Variants in CCDC166 observed in about 807,000 individuals in gnomAD.
The protein encoded by CCDC166 is coiled-coil domain-containing protein 166.
Under a neutral mutation model 14.4 loss-of-function variants are expected in CCDC166, and 17 were observed. That is an observed-to-expected ratio of 1.18 (90% CI 0.81 to 1.77). CCDC166 has a LOEUF of 1.77. Ranked by LOEUF, CCDC166 falls within the 40% of genes most tolerant of loss-of-function variation. The pLI is 0.00. For synonymous variants in CCDC166, 336 were observed against 330.1 expected, an observed-to-expected ratio of 1.02 and a Z score of -0.20; for missense variants, 738 against 665.8, an observed-to-expected ratio of 1.11 and a Z score of -1.19.
rs1378332123 is a variant in CCDC166 at position 143,706,842 on chromosome 8, G to A, written c.1172C>T (p.Ser391Phe). ...CGTGGAGCGGAGAGTGTCCTGTGAG[G>A]ACACCCTCGGTGAGGACCCCGAAGA... ...GISSGSSPRV[S>F]SQDTLRSTKS... Residue 391 changes from serine to phenylalanine, a missense_variant, in exon 2 of 2, where the codon TCC (serine) becomes TTC (phenylalanine). Coordinates refer to ENST00000542437, the MANE Select transcript of CCDC166 (RefSeq NM_001162914.1). The A allele has an allele frequency of 4.5e-6, 7 of 1,550,908 alleles. No homozygotes were observed. The highest frequency in any genetic ancestry group is 6.1e-6 in the Non-Finnish European group (7 of 1,146,952).
rs1817568794 is a variant in CCDC166 at position 143,707,827 on chromosome 8, C to T, written c.283G>A (p.Asp95Asn). ...QRCAKAIVRL[D>N]EQNRVDLAQI... is the part of the protein sequence containing the mutation. Reference sequence around the variant, plus strand: ...GCTAGGTCCACGCGGTTCTGCTCGTCCAGCCGGACGATGGCTTTGGCGCAG... The same window carrying T: ...GCTAGGTCCACGCGGTTCTGCTCGTTCAGCCGGACGATGGCTTTGGCGCAG... The change falls in exon 1 of 2, where the codon GAC becomes AAC. Residue 95 changes from aspartate to asparagine, a missense_variant. By Grantham distance (23) the Asp-to-Asn change is conservative. Coordinates refer to ENST00000542437, the MANE Select transcript of CCDC166 (RefSeq NM_001162914.1). The surrounding 1 kb of genome is among the most constrained non-coding windows in gnomAD (Gnocchi z 8.0). 6.5e-7 allele frequency: 1 copy of T among 1,539,580 alleles called. No individual in the cohort carries two copies. The highest frequency in any genetic ancestry group is 8.7e-7 in the Non-Finnish European group (1 of 1,146,004).
At position 143,707,985 on chromosome 8, in the gene CCDC166, G is replaced by C; in HGVS notation, c.125C>G (p.Ser42Trp). Residue 42 changes from serine to tryptophan, a missense_variant, in exon 1 of 2, where the codon TCG becomes TGG. Transcript: ENST00000542437. This position sits in a 1 kb window ranked among gnomAD's most constrained non-coding sequence, Gnocchi z 8.0. ...CTCCTCGCAGGTGTCCAGCTGCTCC[G>C]AGAGCAGCGCGTGTTCGCGTTGCAG... is the stretch of plus-strand genomic sequence containing the variant. ...QYLQREHALL[S>W]EQLDTCEESV... 3.3e-6 allele frequency: 5 copies of C among 1,531,298 alleles called. No homozygotes were observed. Among genetic ancestry groups the C allele is most frequent in the Non-Finnish European group, 2.6e-6 (3 of 1,142,826 alleles). 94.9% of individuals were successfully genotyped at this position (1,531,298 alleles called of 1,614,324 possible). A position where few individuals can be genotyped will look rare whatever the true frequency, so the allele number is the denominator to read the frequency against.
At position 143,708,022 on chromosome 8, in the gene CCDC166, G is replaced by C; in HGVS notation, c.88C>G (p.Arg30Gly). Reference sequence around the variant, plus strand: ...TGTTCGCGTTGCAGGTACTGCGCGCGCTCCGATAGCGGCTGCTCGGCACCC... The same window carrying C: ...TGTTCGCGTTGCAGGTACTGCGCGCCCTCCGATAGCGGCTGCTCGGCACCC... ...AAGAEQPLSE[R>G]AQYLQREHAL... Residue 30 changes from arginine (R) to glycine (G), a missense_variant, in exon 1 of 2, where the codon CGC (arginine) becomes GGC (glycine). Coordinates refer to ENST00000542437, the MANE Select transcript of CCDC166 (RefSeq NM_001162914.1). 6.6e-7 allele frequency: 1 copy of C among 1,511,240 alleles called. No individual in the cohort carries two copies. The highest frequency in any genetic ancestry group is 1.4e-5 in the African/African-American group (1 of 72,432). The allele number at this position is 1,511,240 out of a possible 1,614,324, so 93.6% of individuals were successfully genotyped here.
Position 143,708,015 on chromosome 8 carries a change from T to C in CCDC166, c.95A>G (p.Gln32Arg), listed in dbSNP as rs1554617010. ...GAEQPLSERA[Q>R]YLQREHALLS... is the part of the protein sequence containing the mutation. The stretch of plus-strand genomic sequence containing the variant: ...CAGCGCGTGTTCGCGTTGCAGGTAC[T>C]GCGCGCGCTCCGATAGCGGCTGCTC... Residue 32 changes from glutamine (Q) to arginine (R), a missense_variant, in exon 1 of 2, where the codon CAG (glutamine) becomes CGG (arginine). Physicochemically the swap from Gln to Arg is conservative, Grantham distance 43. Coordinates refer to ENST00000542437, the MANE Select transcript of CCDC166 (RefSeq NM_001162914.1). 1.3e-6 allele frequency: 2 copies of C among 1,518,920 alleles called. No individual in the cohort carries two copies. The highest frequency in any genetic ancestry group is 2.4e-5 in the South Asian group (2 of 83,604). 94.1% of individuals were successfully genotyped at this position (1,518,920 alleles called of 1,614,324 possible).
Position 143,707,564 on chromosome 8 carries a change from C to A in CCDC166, c.450G>T (p.Leu150=). ...QVQELQPYKV[L]QLEQLARIRA... ...GGATCCGGGCCAGCTGCTCCAGCTGCAGCACCTGCGGCGGGGGCGCCGTCA... is the reference window on the plus strand; with the variant it reads ...GGATCCGGGCCAGCTGCTCCAGCTGAAGCACCTGCGGCGGGGGCGCCGTCA... Residue 150 remains leucine, a synonymous_variant, in exon 2 of 2, where the codon CTG becomes CTT. Transcript: ENST00000542437. This position sits in a 1 kb window ranked among gnomAD's most constrained non-coding sequence, Gnocchi z 8.0. 1 of 1,334,502 alleles carries A rather than the reference C, an allele frequency of 7.5e-7. No homozygotes were observed. Among genetic ancestry groups the A allele is most frequent in the Non-Finnish European group, 9.6e-7 (1 of 1,046,288 alleles). 82.7% of individuals were successfully genotyped at this position (1,334,502 alleles called of 1,614,324 possible).
Position 143,707,935 on chromosome 8 carries a change from T to A in CCDC166, c.175A>T (p.Asn59Tyr). 2.6e-6 allele frequency: 4 copies of A among 1,537,266 alleles called. No individual in the cohort carries two copies. Among genetic ancestry groups the A allele is most frequent in the Non-Finnish European group, 3.5e-6 (4 of 1,146,512 alleles). ...AGCGCCTCGCGGTCCAGGAAGGCGT[T>A]CTCTCGCAGCACCTGGTCAACGCTC... ...EESVDQVLRE[N>Y]AFLDREALRL... Residue 59 changes from asparagine to tyrosine, a missense_variant, in exon 1 of 2, where the codon AAC becomes TAC. Transcript: ENST00000542437. This position sits in a 1 kb window ranked among gnomAD's most constrained non-coding sequence, Gnocchi z 8.0.
In CCDC166 at chr8:143,708,089, G is replaced by A; in HGVS notation, c.21C>T (p.Arg7=). MAPKKK[R]GPSAGSQPGG... ...CTGGCTGGCTCCCTGCGCTCGGCCCGCGCTTTTTCTTGGGCGCCATGGGTT... is the reference window on the plus strand; with the variant it reads ...CTGGCTGGCTCCCTGCGCTCGGCCCACGCTTTTTCTTGGGCGCCATGGGTT... The change falls in exon 1 of 2, where the codon CGC becomes CGT. Residue 7 remains arginine, a synonymous_variant. Transcript: ENST00000542437. 6.9e-7 allele frequency: 1 copy of A among 1,440,022 alleles called. No homozygotes were observed. The highest frequency in any genetic ancestry group is 9.1e-7 in the Non-Finnish European group (1 of 1,099,088). 89.2% of individuals were successfully genotyped at this position (1,440,022 alleles called of 1,614,324 possible). A position where few individuals can be genotyped will look rare whatever the true frequency, so the allele number is the denominator to read the frequency against.
Position 143,707,398 on chromosome 8 carries a change from C to G in CCDC166, c.616G>C (p.Glu206Gln). 7.0e-7 allele frequency: 1 copy of G among 1,430,054 alleles called. No individual in the cohort carries two copies. Among genetic ancestry groups the G allele is most frequent in the South Asian group, 1.4e-5 (1 of 70,156 alleles). The allele number at this position is 1,430,054 out of a possible 1,614,324, so 88.6% of individuals were successfully genotyped here. The part of the protein sequence containing the change: ...QRVQSLARRA[E>Q]REAVRALVAH... Reference sequence around the variant, plus strand: ...ACAAGCGCGCGCACCGCCTCCCGCTCCGCGCGCCGCGCCAGTGACTGCACG... The same window carrying G: ...ACAAGCGCGCGCACCGCCTCCCGCTGCGCGCGCCGCGCCAGTGACTGCACG... The change falls in exon 2 of 2, where the codon GAG (glutamate) becomes CAG (glutamine). Residue 206 changes from glutamate (E) to glutamine (Q), a missense_variant. Transcript: ENST00000542437. The surrounding 1 kb of genome is among the most constrained non-coding windows in gnomAD (Gnocchi z 8.0).
chr8:143,707,763 T>G lies in CCDC166; in HGVS notation c.347A>C (p.Tyr116Ser), dbSNP rs1817566773. Residue 116 changes from tyrosine to serine, a missense_variant, in exon 1 of 2, where the codon TAC (tyrosine) becomes TCC (serine). Physicochemically the swap from Tyr to Ser is moderately radical, Grantham distance 144. Coordinates refer to ENST00000542437, the MANE Select transcript of CCDC166 (RefSeq NM_001162914.1). The surrounding 1 kb of genome is among the most constrained non-coding windows in gnomAD (Gnocchi z 8.0). Reference sequence around the variant, plus strand: ...GCGCACCCCGTCCTCGCGCCCGTGGTAGAGCGAGGCCAGTTCCGCCCGCTG... The same window carrying G: ...GCGCACCCCGTCCTCGCGCCCGTGGGAGAGCGAGGCCAGTTCCGCCCGCTG... Reference protein sequence around the residue: ...HWQRAELASLYHGREDGVRAQ... With the variant: ...HWQRAELASLSHGREDGVRAQ... 4 of 1,538,368 alleles carry G rather than the reference T, an allele frequency of 2.6e-6. No homozygotes were observed. The highest frequency in any genetic ancestry group is 2.6e-6 in the Non-Finnish European group (3 of 1,145,266).
At position 143,706,748 on chromosome 8, in the gene CCDC166, C is replaced by T. The variant is rs1222349372; in HGVS notation, c.1266G>A (p.Ser422=). The change falls in exon 2 of 2, where the codon TCG becomes TCA. Residue 422 remains serine (S), a synonymous_variant. Coordinates refer to ENST00000542437, the MANE Select transcript of CCDC166 (RefSeq NM_001162914.1). Reference sequence around the variant, plus strand: ...CAGCTTCAGCGTTCACGCTGTCCTCCGACTGTGGGGGGAGAAGAGCCGGAT... The same window carrying T: ...CAGCTTCAGCGTTCACGCTGTCCTCTGACTGTGGGGGGAGAAGAGCCGGAT... The part of the protein sequence containing the change: ...DRDPALLPPQ[S]EDSVNAEAAA... The T allele has an allele frequency of 4.5e-6, 7 of 1,550,562 alleles. No individual in the cohort carries two copies. The highest frequency in any genetic ancestry group is 6.1e-6 in the Non-Finnish European group (7 of 1,146,866).
In CCDC166 at chr8:143,707,805, A is replaced by G. The variant is rs1817568233; in HGVS notation, c.305T>C (p.Leu102Pro). The stretch of plus-strand genomic sequence containing the variant: ...CGCCCGCTGCCAGTGGATCTGCGCT[A>G]GGTCCACGCGGTTCTGCTCGTCCAG... ...VRLDEQNRVDLAQIHWQRAEL... is the reference protein window; with the variant it reads ...VRLDEQNRVDPAQIHWQRAEL... The change falls in exon 1 of 2, where the codon CTA (leucine) becomes CCA (proline). Residue 102 changes from leucine (L) to proline (P), a missense_variant. Transcript: ENST00000542437. The surrounding 1 kb of genome is among the most constrained non-coding windows in gnomAD (Gnocchi z 8.0). 3 of 1,540,236 alleles carry G rather than the reference A, an allele frequency of 1.9e-6. No homozygotes were observed. The highest frequency in any genetic ancestry group is 2.6e-6 in the Non-Finnish European group (3 of 1,146,204).
At position 143,707,526 on chromosome 8, in the gene CCDC166, C is replaced by A; in HGVS notation, c.488G>T (p.Arg163Leu). 1 of 1,376,732 alleles carries A rather than the reference C, an allele frequency of 7.3e-7. No individual in the cohort carries two copies. Among genetic ancestry groups the A allele is most frequent in the Non-Finnish European group, 9.4e-7 (1 of 1,069,302 alleles). 85.3% of individuals were successfully genotyped at this position (1,376,732 alleles called of 1,614,324 possible). The change falls in exon 2 of 2, where the codon CGC becomes CTC. Residue 163 changes from arginine to leucine, a missense_variant. Physicochemically the swap from Arg to Leu is moderately radical, Grantham distance 102. Coordinates refer to ENST00000542437, the MANE Select transcript of CCDC166 (RefSeq NM_001162914.1). This position sits in a 1 kb window ranked among gnomAD's most constrained non-coding sequence, Gnocchi z 8.0. ...EQLARIRALE[R>L]ELLHMRVEHT... ...CTCCACGCGCATATGCAGCAGCTCG[C>A]GCTCCAGCGCCCGGATCCGGGCCAG...
In CCDC166 at chr8:143,707,016, C is replaced by A. The variant is rs1817544137; in HGVS notation, c.998G>T (p.Arg333Leu). ...SSVVPSREASRVPSLVLSSMD... is the reference protein window; with the variant it reads ...SSVVPSREASLVPSLVLSSMD... The stretch of plus-strand genomic sequence containing the variant: ...GCTCGATAGCACCAACGAGGGGACC[C>A]GGGAAGCCTCGCGCGACGGGACCAC... The change falls in exon 2 of 2, where the codon CGG (arginine) becomes CTG (leucine). Residue 333 changes from arginine to leucine, a missense_variant. Coordinates refer to ENST00000542437, the MANE Select transcript of CCDC166 (RefSeq NM_001162914.1). This position sits in a 1 kb window ranked among gnomAD's most constrained non-coding sequence, Gnocchi z 8.0. 6.5e-7 allele frequency: 1 copy of A among 1,537,062 alleles called. No homozygotes were observed. Among genetic ancestry groups the A allele is most frequent in the Non-Finnish European group, 8.7e-7 (1 of 1,146,782 alleles).
chr8:143,707,984 C>A lies in CCDC166; in HGVS notation c.126G>T (p.Ser42=), dbSNP rs782311634. The A allele has an allele frequency of 6.5e-7, 1 of 1,531,314 alleles. No individual in the cohort carries two copies. The allele number at this position is 1,531,314 out of a possible 1,614,324, so 94.9% of individuals were successfully genotyped here. The change falls in exon 1 of 2, where the codon TCG becomes TCT. Residue 42 remains serine (S), a synonymous_variant. Transcript: ENST00000542437. This position sits in a 1 kb window ranked among gnomAD's most constrained non-coding sequence, Gnocchi z 8.0. ...TCTCCTCGCAGGTGTCCAGCTGCTC[C>A]GAGAGCAGCGCGTGTTCGCGTTGCA... The part of the protein sequence containing the change: ...QYLQREHALL[S]EQLDTCEESV...
chr8:143,707,804 TA>T lies in CCDC166; in HGVS notation c.305del (p.Leu102GlnfsTer78), dbSNP rs1218061704. On this transcript the variant is annotated frameshift_variant, in exon 1 of 2. Transcript: ENST00000542437. LOFTEE classifies it high-confidence loss of function. This position sits in a 1 kb window ranked among gnomAD's most constrained non-coding sequence, Gnocchi z 8.0. Reference protein sequence around the residue: ...VRLDEQNRVDLAQIHWQRAEL... With the variant: ...VRLDEQNRVDXAQIHWQRAEL... ...CCGCCCGCTGCCAGTGGATCTGCGCTAGGTCCACGCGGTTCTGCTCGTCCAG... is the reference window on the plus strand; with the variant it reads ...CCGCCCGCTGCCAGTGGATCTGCGCTGGTCCACGCGGTTCTGCTCGTCCAG... 1 of 1,540,318 alleles carries T rather than the reference TA, an allele frequency of 6.5e-7. No homozygotes were observed. Among genetic ancestry groups the T allele is most frequent in the African/African-American group, 1.4e-5 (1 of 72,988 alleles).
rs1415879596 is a variant in CCDC166, at chr8:143,707,164, G to T, written c.850C>A (p.Arg284=). ...RGPGGPPLWE[R]PAFSQPTSRP... is the part of the protein sequence containing the mutation. ...GAGGTGGGCTGGGAGAAGGCCGGCC[G>T]CTCCCAGAGCGGCGGGCCTCCGGGG... The change falls in exon 2 of 2, where the codon CGG becomes AGG. Residue 284 remains arginine, a synonymous_variant. Coordinates refer to ENST00000542437, the MANE Select transcript of CCDC166 (RefSeq NM_001162914.1). This position sits in a 1 kb window ranked among gnomAD's most constrained non-coding sequence, Gnocchi z 8.0. 1.4e-6 allele frequency: 2 copies of T among 1,398,470 alleles called. No homozygotes were observed. Among genetic ancestry groups the T allele is most frequent in the African/African-American group, 1.5e-5 (1 of 65,278 alleles). The allele number at this position is 1,398,470 out of a possible 1,614,324, so 86.6% of individuals were successfully genotyped here.
chr8:143,707,698 C>T lies in CCDC166; in HGVS notation c.412G>A (p.Ala138Thr), dbSNP rs1554616885. 2 of 1,493,918 alleles carry T rather than the reference C, an allele frequency of 1.3e-6. No homozygotes were observed. The highest frequency in any genetic ancestry group is 2.1e-5 in the Admixed American group (1 of 46,932). The allele number at this position is 1,493,918 out of a possible 1,614,324, so 92.5% of individuals were successfully genotyped here. ...GGCTGCAGCTCTTGCACCTGCTGTGCCATCTGTGCCGCGCGCGCCTCCATC... is the reference window on the plus strand; with the variant it reads ...GGCTGCAGCTCTTGCACCTGCTGTGTCATCTGTGCCGCGCGCGCCTCCATC... ...LEMEARAAQM[A>T]QQVQELQPYK... is the part of the protein sequence containing the mutation. The change falls in exon 1 of 2, where the codon GCA becomes ACA. Residue 138 changes from alanine to threonine, a missense_variant. Ala to Thr is a moderately conservative substitution (Grantham distance 58). Transcript: ENST00000542437. The surrounding 1 kb of genome is among the most constrained non-coding windows in gnomAD (Gnocchi z 8.0).
rs782450605 is a variant in CCDC166, at chr8:143,706,823, G to T, written c.1191C>A (p.Arg397=). 520 of 1,551,120 alleles carry T rather than the reference G, an allele frequency of 3.4e-4. No homozygotes were observed. The highest frequency in any genetic ancestry group is 4.1e-4 in the Non-Finnish European group (471 of 1,146,972). The part of the protein sequence containing the change: ...SPRVSSQDTL[R]STKSGPKLLS... ...GAAGCTTGGGGCCAGACTTCGTGGA[G>T]CGGAGAGTGTCCTGTGAGGACACCC... The change falls in exon 2 of 2, where the codon CGC becomes CGA. Residue 397 remains arginine (R), a synonymous_variant. Transcript: ENST00000542437.
chr8:143,708,026 C>G lies in CCDC166; in HGVS notation c.84G>C (p.Ser28=), dbSNP rs1038553025. 1.3e-6 allele frequency: 2 copies of G among 1,507,562 alleles called. No individual in the cohort carries two copies. Among genetic ancestry groups the G allele is most frequent in the African/African-American group, 1.4e-5 (1 of 72,238 alleles). The allele number at this position is 1,507,562 out of a possible 1,614,324, so 93.4% of individuals were successfully genotyped here. A position where few individuals can be genotyped will look rare whatever the true frequency, so the allele number is the denominator to read the frequency against. The change falls in exon 1 of 2, where the codon TCG becomes TCC. Residue 28 remains serine (S), a synonymous_variant. Coordinates refer to ENST00000542437, the MANE Select transcript of CCDC166 (RefSeq NM_001162914.1). ...AAAAGAEQPL[S]ERAQYLQREH... ...CGCGTTGCAGGTACTGCGCGCGCTCCGATAGCGGCTGCTCGGCACCCGCGG... is the reference window on the plus strand; with the variant it reads ...CGCGTTGCAGGTACTGCGCGCGCTCGGATAGCGGCTGCTCGGCACCCGCGG...
Sources: allele counts gnomAD v4.1 joint callset, GRCh38; gene constraint gnomAD v4.1.1; non-coding constraint Gnocchi (gnomAD v3.1); transcripts MANE v1.5; gene names NCBI Gene and HGNC (gene_info 2026-07-23, HGNC 2026-07-21).